The following FRMD4A variants were observed in gnomAD, a reference collection of about 807,000 sequenced individuals.
FRMD4A encodes FERM domain-containing protein 4A.
In FRMD4A, 29 loss-of-function variants were observed where a neutral mutation model predicts 129.1. The observed-to-expected ratio is 0.22, with a 90% confidence interval of 0.17 to 0.31. The LOEUF (loss-of-function observed/expected upper bound fraction) is 0.31, where lower values mean the gene tolerates loss of function less well. FRMD4A is among the 10% of genes least tolerant of loss of function. The probability of loss-of-function intolerance (pLI) is 1.00; values close to 1 mark genes in which losing one functional copy is unlikely to be tolerated. For missense variants in FRMD4A, 1,272 were observed against 1,375.8 expected (o/e 0.92, Z 1.19); for synonymous variants, 634 against 571.6 (o/e 1.11, Z -1.56).
chr10:14,018,609 G>A lies in FRMD4A; in HGVS notation c.46-159697C>T, dbSNP rs554531583. ...GTGACACCATCCAATCTGAGTTTTGGGGACTTGATTGATAAAAGATGAATG... is the reference window on the plus strand; with the variant it reads ...GTGACACCATCCAATCTGAGTTTTGAGGACTTGATTGATAAAAGATGAATG... On this transcript the variant is annotated intron_variant, in intron 2 of 24. Coordinates refer to ENST00000357447, the MANE Select transcript of FRMD4A (RefSeq NM_018027.5). Among the ~76,000 whole-genome samples the A allele has an allele frequency of 1.1e-4, 17 of 152,206 alleles. 1 individual carries two copies. The South Asian group carries it at 2.5e-3, about 22-fold the overall frequency.
In FRMD4A at chr10:14,117,672, G is replaced by A. The variant is rs371332755; in HGVS notation, c.45+212386C>T. Among the ~76,000 whole-genome samples the A allele has an allele frequency of 4.1e-4, 63 of 152,326 alleles. No individual in the cohort carries two copies. In the East Asian group the frequency reaches 9.7e-3, roughly 23 times the overall value. On this transcript the variant is annotated intron_variant, in intron 2 of 24. Coordinates refer to ENST00000357447, the MANE Select transcript of FRMD4A (RefSeq NM_018027.5). ...ACCTGTGGGAGAGAGAAGGTGGAAG[G>A]AGGGTGGAAGGAGAATGGAAGTAGA... is the stretch of plus-strand genomic sequence containing the variant.
In FRMD4A at chr10:13,924,464, C is replaced by T. The variant is rs77484805; in HGVS notation, c.46-65552G>A. ...CCATGCTCCCACCTCTAGGCCACCA[C>T]ACTTACCGTTCCCTCTGCCTGGGAC... On this transcript the variant is annotated intron_variant, in intron 2 of 24. Transcript: ENST00000357447. Among the ~76,000 whole-genome samples the T allele has an allele frequency of 0.011, 1,596 of 151,676 alleles. 96 individuals are homozygous for T. In the East Asian group the frequency reaches 0.18, roughly 17 times the overall value.
chr10:13,697,292 G>A (rs2086318691), intron 14 of FRMD4A, among the ~76,000 whole-genome samples: 1 of 152,022 alleles, frequency 6.6e-6, no homozygotes, highest in Non-Finnish European at 1.5e-5. Context: ...GAGTAGCTGG[G>A]ACCACACATG....
At chr10:14,001,006 A>G (rs1371047024) in intron 2 of FRMD4A, among the ~76,000 whole-genome samples, 1 of 152,192 alleles carries the variant, frequency 6.6e-6, no homozygotes, top group Admixed American at 6.5e-5. Flanking sequence ...GACATGACCC[A>G]AAAACCCAAC....
At chr10:14,161,502 A>G (rs1255428385) in intron 2 of FRMD4A, among the ~76,000 whole-genome samples, 2 of 152,256 alleles carry the variant, frequency 1.3e-5, no homozygotes, top group Non-Finnish European at 2.9e-5. Context: ...AAAAGAATGA[A>G]ATCCTGCCAT....
At chr10:14,117,490 C>G (rs190589332) in intron 2 of FRMD4A, among the ~76,000 whole-genome samples, 1 of 152,230 alleles carries the variant, frequency 6.6e-6, no homozygotes, top group East Asian at 1.9e-4. Context: ...GATGCAGACT[C>G]TGGGTCTCTG....
chr10:13,738,180 G>T (rs966150086), intron 11 of FRMD4A, among the ~76,000 whole-genome samples: 3 of 152,106 alleles, frequency 2.0e-5, no homozygotes, highest in African/African-American at 4.8e-5. Context: ...CCGCACAGCC[G>T]AGGTCCTTTC....
intron 12 of FRMD4A, among the ~76,000 whole-genome samples, chr10:13,727,526 A>T (rs1033569325): frequency 6.6e-6 from 1 of 152,090 alleles, no homozygotes; most frequent in Non-Finnish European, 1.5e-5. Flanking sequence ...GTCTAGGTTG[A>T]GGGCGCCATG....
At chr10:14,012,379 A>C (rs1371398905) in intron 2 of FRMD4A, among the ~76,000 whole-genome samples, 1 of 152,250 alleles carries the variant, frequency 6.6e-6, no homozygotes, top group Non-Finnish European at 1.5e-5. Flanking sequence ...CCCTGGAAGG[A>C]AAATGCATAG....
At chr10:14,019,706 G>A (rs1014500654) in intron 2 of FRMD4A, among the ~76,000 whole-genome samples, 7 of 152,184 alleles carry the variant, frequency 4.6e-5, no homozygotes, top group African/African-American at 1.7e-4. Context: ...GGGGATTTGA[G>A]CCAGATCAGA....
chr10:13,765,924 T>A (rs2092272984), intron 6 of FRMD4A, among the ~76,000 whole-genome samples: 1 of 152,226 alleles, frequency 6.6e-6, no homozygotes, highest in Non-Finnish European at 1.5e-5. Flanking sequence ...GTCAAACATT[T>A]ACACCTTATG....
chr10:13,805,130 C>T (rs762877265), intron 4 of FRMD4A, among the ~76,000 whole-genome samples: 1 of 151,938 alleles, frequency 6.6e-6, no homozygotes, highest in Non-Finnish European at 1.5e-5. Context: ...AAAAGCTACT[C>T]GTTTTCTTTT....
chr10:13,786,490 C>A (rs1420689961), intron 5 of FRMD4A, among the ~76,000 whole-genome samples: 2 of 152,110 alleles, frequency 1.3e-5, no homozygotes, highest in Non-Finnish European at 2.9e-5. Flanking sequence ...CCCGTAATCC[C>A]AGCTACTTGG....
chr10:13,658,947 T>G (rs1442447795), intron 21 of FRMD4A, among the ~76,000 whole-genome samples: 1 of 151,988 alleles, frequency 6.6e-6, no homozygotes, highest in Non-Finnish European at 1.5e-5. Context: ...GCCTGGCTCT[T>G]TTGCTCTTTA....
At chr10:14,050,893 T>C (rs1834225741) in intron 2 of FRMD4A, among the ~76,000 whole-genome samples, 1 of 152,158 alleles carries the variant, frequency 6.6e-6, no homozygotes, top group Non-Finnish European at 1.5e-5. Flanking sequence ...CTGGTAAACA[T>C]AAGCAAAGCC....
intron 12 of FRMD4A, among the ~76,000 whole-genome samples, chr10:13,717,405 C>T (rs1387125939): frequency 6.6e-6 from 1 of 152,088 alleles, no homozygotes; most frequent in Non-Finnish European, 1.5e-5. Context: ...CCTCTACTTC[C>T]CGGGTTCAAG....
intron 5 of FRMD4A, among the ~76,000 whole-genome samples, chr10:13,791,848 C>T (rs1270290596): frequency 1.3e-5 from 2 of 152,152 alleles, no homozygotes; most frequent in African/African-American, 4.8e-5. Flanking sequence ...TGACCAGGTG[C>T]AAGTGGACCC....
intron 2 of FRMD4A, among the ~76,000 whole-genome samples, chr10:14,016,227 T>A (rs1280415210): frequency 6.6e-6 from 1 of 151,838 alleles, no homozygotes; most frequent in Non-Finnish European, 1.5e-5. Flanking sequence ...ACGTGCTAAT[T>A]GGACATCCCA....
chr10:14,125,852 T>C (rs563776713), intron 2 of FRMD4A, among the ~76,000 whole-genome samples: 12 of 149,914 alleles, frequency 8.0e-5, no homozygotes, highest in Admixed American at 7.3e-4. Context: ...CCAGGAGGAA[T>C]GTGATTAAAA....
Sources: gnomAD v4.1 joint callset for allele counts (sites outside exome capture counted in the v4.1 genomes callset) on GRCh38, gnomAD v4.1.1 for gene constraint, MANE v1.5 for transcripts, NCBI Gene and HGNC (gene_info 2026-07-23, HGNC 2026-07-21) for gene names.